The following MLXIP variants were observed in gnomAD, a reference collection of about 807,000 sequenced individuals.
MLXIP encodes MLX-interacting protein.
A neutral mutation model predicts 87.2 loss-of-function variants in MLXIP; 30 were observed. The observed-to-expected ratio is 0.34, with a 90% CI of 0.26 to 0.47. The LOEUF is 0.47. Ranked by LOEUF, MLXIP falls within the 20% of genes least tolerant of loss-of-function variation. The probability of loss-of-function intolerance (pLI) is 1.00; values close to 1 mark genes in which losing one functional copy is unlikely to be tolerated. For missense variants in MLXIP, 1,002 were observed against 1,240.1 expected (o/e 0.81, Z 2.88); for synonymous variants, 530 against 514.0 (o/e 1.03, Z -0.42).
At position 122,078,763 on chromosome 12, in the gene MLXIP, G is replaced by C. The variant is rs1330395208; in HGVS notation, c.-91G>C. ...CGCCGCGCGCTCGCGGACAGTCGGCGCGCGGGCCGGGCCGGGCCGGCGCCC... is the reference window on the plus strand; with the variant it reads ...CGCCGCGCGCTCGCGGACAGTCGGCCCGCGGGCCGGGCCGGGCCGGCGCCC... On this transcript the variant is annotated 5_prime_UTR_variant, in exon 1 of 17. Coordinates refer to ENST00000319080, the MANE Select transcript of MLXIP (RefSeq NM_014938.6). The C allele has an allele frequency of 2.0e-6, 2 of 1,005,688 alleles. No homozygotes were observed. Among genetic ancestry groups the C allele is most frequent in the Admixed American group, 1.2e-4 (2 of 17,016 alleles). The allele number at this position is 1,005,688 out of a possible 1,614,324, so 62.3% of individuals were successfully genotyped here.
intron 1 of MLXIP, among the ~76,000 whole-genome samples, chr12:122,123,420 C>A (rs145526637): frequency 6.6e-6 from 1 of 152,098 alleles, no homozygotes; most frequent in Non-Finnish European, 1.5e-5. Flanking sequence ...CGGGGTGGAA[C>A]GGTGATCCCA....
In MLXIP at chr12:122,137,374, G is replaced by T. The variant is rs1953111438; in HGVS notation, c.2033-95G>T. 1 of 1,399,888 alleles carries T rather than the reference G, an allele frequency of 7.1e-7. No homozygotes were observed. Among genetic ancestry groups the T allele is most frequent in the Non-Finnish European group, 9.6e-7 (1 of 1,046,298 alleles). 86.7% of individuals were successfully genotyped at this position (1,399,888 alleles called of 1,614,324 possible). ...AACCAAGTGCAATACGTGGCTAGCA[G>T]CGAGCACCTCATAACCCTGCAGAGA... On this transcript the variant is annotated intron_variant, in intron 11 of 16. Coordinates refer to ENST00000319080, the MANE Select transcript of MLXIP (RefSeq NM_014938.6). The surrounding 1 kb of genome is among the most constrained non-coding windows in gnomAD (Gnocchi z 4.1).
rs1458684537 is a variant in MLXIP, at chr12:122,143,076, G to A, written c.*1264G>A. 1 of 152,402 alleles carries A rather than the reference G, an allele frequency of 6.6e-6. No individual in the cohort carries two copies. The highest frequency in any genetic ancestry group is 1.5e-5 in the Non-Finnish European group (1 of 68,166). 9.4% of individuals were successfully genotyped at this position (152,402 alleles called of 1,614,324 possible). ...AAGCACTCTCTCCAGCACTCAGGAAGCCCGGCCGAGGGTACCTCCTCGTGG... is the reference window on the plus strand; with the variant it reads ...AAGCACTCTCTCCAGCACTCAGGAAACCCGGCCGAGGGTACCTCCTCGTGG... On this transcript the variant is annotated 3_prime_UTR_variant, in exon 17 of 17. Coordinates refer to ENST00000319080, the MANE Select transcript of MLXIP (RefSeq NM_014938.6).
chr12:122,087,757 A>T (rs1952189527), intron 1 of MLXIP, among the ~76,000 whole-genome samples: 1 of 151,948 alleles, frequency 6.6e-6, no homozygotes, highest in Non-Finnish European at 1.5e-5. Context: ...GGGTCTAGGG[A>T]GGGTGAGAGC....
chr12:122,123,287 T>G (rs1032194924), intron 1 of MLXIP, among the ~76,000 whole-genome samples: 1 of 152,168 alleles, frequency 6.6e-6, no homozygotes, highest in Non-Finnish European at 1.5e-5. Flanking sequence ...GGGGGCGGGC[T>G]GGGGGTGCAG....
At chr12:122,136,461 A>AC (rs1953094420) in intron 11 of MLXIP, 1 of 73,906 alleles carries the variant, frequency 1.4e-5, no homozygotes, top group African/African-American at 4.1e-5. Context: ...AAAAAATGCA[A>AC]AAAAAAAAAA....
intron 1 of MLXIP, among the ~76,000 whole-genome samples, chr12:122,110,893 T>A (rs529686506): frequency 1.3e-5 from 2 of 151,980 alleles, no homozygotes; most frequent in East Asian, 1.9e-4. Flanking sequence ...CTGGCTAACA[T>A]GGTGAAACCC....
chr12:122,100,909 G>A (rs905040193), intron 1 of MLXIP, among the ~76,000 whole-genome samples: 1 of 152,170 alleles, frequency 6.6e-6, no homozygotes, highest in Non-Finnish European at 1.5e-5. Flanking sequence ...AGAATACTCC[G>A]AAGCCATTAT....
chr12:122,092,543 T>TA (rs761842215), intron 1 of MLXIP, among the ~76,000 whole-genome samples: 8 of 152,162 alleles, frequency 5.3e-5, no homozygotes, highest in Non-Finnish European at 8.8e-5. Flanking sequence ...AGGAGACGGT[T>TA]AGTTACTCTG....
At chr12:122,127,776 G>A (rs1231969383) in intron 2 of MLXIP, 107 bp from the exon 3 acceptor site, 4 of 824,054 alleles carry the variant, frequency 4.9e-6, no homozygotes, top group Non-Finnish European at 6.1e-6. Flanking sequence ...GAGAAGGAAA[G>A]GGTACCTGGG....
chr12:122,119,518 A>G (rs1485952813), intron 1 of MLXIP, among the ~76,000 whole-genome samples: 2 of 151,974 alleles, frequency 1.3e-5, no homozygotes, highest in African/African-American at 4.8e-5. Flanking sequence ...CAGCCTCCCA[A>G]ATAGCTGGGA....
Position 122,078,924 on chromosome 12 carries a change from C to T in MLXIP, c.71C>T (p.Pro24Leu). ...CGGGGCCGCCAGGTGCTGCTCAAGC[C>T]CCAGGTGTCCGAGGACGACGACGAC... ...RSRGRQVLLK[P>L]QVSEDDDDSD... Residue 24 changes from proline to leucine, a missense_variant, in exon 1 of 17, where the codon CCC becomes CTC. Pro to Leu is a moderately conservative substitution (Grantham distance 98). Around this residue, in one of 3 missense-constraint regions of MLXIP, gnomAD observed 129 missense variants for 104.2 expected, o/e 1.24. Coordinates refer to ENST00000319080, the MANE Select transcript of MLXIP (RefSeq NM_014938.6). 1 of 1,133,780 alleles carries T rather than the reference C, an allele frequency of 8.8e-7. No homozygotes were observed. 70.2% of individuals were successfully genotyped at this position (1,133,780 alleles called of 1,614,324 possible).
chr12:122,137,734 GC>G lies in MLXIP; in HGVS notation c.2154+148del. 7.4e-7 allele frequency: 1 copy of G among 1,349,492 alleles called. No homozygotes were observed. The highest frequency in any genetic ancestry group is 1.5e-5 in the African/African-American group (1 of 68,438). 83.6% of individuals were successfully genotyped at this position (1,349,492 alleles called of 1,614,324 possible). A position where few individuals can be genotyped will look rare whatever the true frequency, so the allele number is the denominator to read the frequency against. The stretch of plus-strand genomic sequence containing the variant: ...GTGGATCAGAAATGGGCTTCTCCTT[GC>G]CCCATGCCACGAACCAGCCCTGTGG... On this transcript the variant is annotated intron_variant, in intron 12 of 16. Coordinates refer to ENST00000319080, the MANE Select transcript of MLXIP (RefSeq NM_014938.6). This position sits in a 1 kb window ranked among gnomAD's most constrained non-coding sequence, Gnocchi z 4.1.
In MLXIP at chr12:122,103,612, T is replaced by C. The variant is rs925994344; in HGVS notation, c.414-23644T>C. Among the ~76,000 whole-genome samples the C allele has an allele frequency of 7.3e-5, 11 of 150,084 alleles. No homozygotes were observed. In the Admixed American group the frequency reaches 7.4e-4, roughly 10 times the overall value. On this transcript the variant is annotated intron_variant, in intron 1 of 16. Coordinates refer to ENST00000319080, the MANE Select transcript of MLXIP (RefSeq NM_014938.6). ...CTCGGCTCACTGCAACCTCTGCCTC[T>C]CTGGTTGAAGCAGTTCTCTGCCTCA...
chr12:122,116,743 C>T (rs192872142), intron 1 of MLXIP, among the ~76,000 whole-genome samples: 21 of 152,354 alleles, frequency 1.4e-4, no homozygotes, highest in Admixed American at 3.3e-4. Context: ...GCATTGACCA[C>T]GTGCTGGGCC....
chr12:122,116,053 AACACACACACACAC>A (rs138548664), intron 1 of MLXIP, among the ~76,000 whole-genome samples: 1 of 147,220 alleles, frequency 6.8e-6, no homozygotes, highest in Admixed American at 6.8e-5. Context: ...TCCATCTGAA[AACACACACACACAC>A]ACACACACAC....
At position 122,079,042 on chromosome 12, in the gene MLXIP, C is replaced by T. The variant is rs2135881716; in HGVS notation, c.189C>T (p.Ala63=). 1.4e-6 allele frequency: 2 copies of T among 1,465,368 alleles called. No homozygotes were observed. Among genetic ancestry groups the T allele is most frequent in the Non-Finnish European group, 1.8e-6 (2 of 1,110,260 alleles). 90.8% of individuals were successfully genotyped at this position (1,465,368 alleles called of 1,614,324 possible). The change falls in exon 1 of 17, where the codon GCC becomes GCT. Residue 63 remains alanine (A), a synonymous_variant. Transcript: ENST00000319080. ...HASAAPPPPR[A]GPGREEPPRR... The stretch of plus-strand genomic sequence containing the variant: ...GCGCCGCGCCACCGCCGCCTCGGGC[C>T]GGGCCGGGCCGCGAGGAACCTCCGC...
intron 1 of MLXIP, among the ~76,000 whole-genome samples, chr12:122,083,445 G>C (rs1026417404): frequency 2.0e-5 from 3 of 150,916 alleles, no homozygotes; most frequent in Admixed American, 1.3e-4. Context: ...ACGGAGTTTC[G>C]CTCATGTTGC....
rs900450162 is a variant in MLXIP at position 122,143,604 on chromosome 12, G to A, written c.*1792G>A. On this transcript the variant is annotated 3_prime_UTR_variant, in exon 17 of 17. Transcript: ENST00000319080. The stretch of plus-strand genomic sequence containing the variant: ...TTCCACCAAGGCCAGAAGGGAAAAA[G>A]GAAGAACCCACCGTGTCTGGCTGTG... The A allele has an allele frequency of 4.2e-4, 64 of 152,370 alleles. 1 individual carries two copies. Among genetic ancestry groups the A allele is most frequent in the Non-Finnish European group, 8.8e-5 (6 of 68,140 alleles). The allele number at this position is 152,370 out of a possible 1,614,324, so 9.4% of individuals were successfully genotyped here.
Sources: gnomAD v4.1 joint callset for allele counts (sites outside exome capture counted in the v4.1 genomes callset) on GRCh38, gnomAD v4.1.1 for gene constraint, gnomAD v4.1.1 regional missense constraint, Gnocchi (gnomAD v3.1) non-coding constraint, MANE v1.5 for transcripts, NCBI Gene and HGNC (gene_info 2026-07-23, HGNC 2026-07-21) for gene names.